Variants in NUP107 observed in about 807,000 individuals in gnomAD.
NUP107 encodes the protein nucleoporin 107.
NUP107 carries 101 observed loss-of-function variants against 141.0 expected under a neutral mutation model. The observed-to-expected ratio is 0.72, with a 90% confidence interval of 0.61 to 0.84. The LOEUF (loss-of-function observed/expected upper bound fraction) is 0.84. NUP107 is among the 40% of genes least tolerant of loss of function. The pLI, the probability that NUP107 is intolerant of heterozygous loss-of-function variation, is 0.00. For missense variants in NUP107, 941 were observed against 1,102.7 expected, an observed-to-expected ratio of 0.85 and a Z score of 2.08; for synonymous variants, 319 against 363.9, an observed-to-expected ratio of 0.88 and a Z score of 1.41.
rs776647205 is a variant in NUP107, at chr12:68,721,639, G to A, written c.1312-202G>A. ...TGGAAAACTGATGTTGTTGTTAACA[G>A]TATGAAAAAATCTGAACAGTTCAAA... On this transcript the variant is annotated intron_variant, in intron 15 of 27. Transcript: ENST00000229179. Among the ~76,000 whole-genome samples, 73 of 152,154 alleles carry A rather than the reference G, an allele frequency of 4.8e-4. 1 individual carries two copies. The highest frequency in any genetic ancestry group is 8.8e-5 in the Non-Finnish European group (6 of 68,022).
chr12:68,727,372 T>C lies in NUP107; in HGVS notation c.1717T>C (p.Leu573=). 1 of 1,515,690 alleles carries C rather than the reference T, an allele frequency of 6.6e-7. No individual in the cohort carries two copies. Among genetic ancestry groups the C allele is most frequent in the South Asian group, 1.2e-5 (1 of 83,942 alleles). 93.9% of individuals were successfully genotyped at this position (1,515,690 alleles called of 1,614,324 possible). A position where few individuals can be genotyped will look rare whatever the true frequency, so the allele number is the denominator to read the frequency against. ...GAAGGAGGAAGTTTCTATTGAAGTT[T>C]TAAAGACATACATACAGGTAAACTT... The part of the protein sequence containing the change: ...QTKEEVSIEV[L]KTYIQLLIRE... The change falls in exon 20 of 28, where the codon TTA becomes CTA. Residue 573 remains leucine (L), a synonymous_variant. Coordinates refer to ENST00000229179, the MANE Select transcript of NUP107 (RefSeq NM_020401.4).
In NUP107 at chr12:68,698,808, C is replaced by T. The variant is rs150823383; in HGVS notation, c.552+1886C>T. ...GCGAGGGAGCAATGAATAGGTAGAA[C>T]ACAGGATTTTTAAGGCAGTGAAACC... On this transcript the variant is annotated intron_variant, in intron 6 of 27. Coordinates refer to ENST00000229179, the MANE Select transcript of NUP107 (RefSeq NM_020401.4). Among the ~76,000 whole-genome samples the T allele has an allele frequency of 1.4e-3, 217 of 152,204 alleles. 5 individuals carry two copies. The East Asian group carries it at 0.035, about 24-fold the overall frequency.
chr12:68,725,803 T>A lies in NUP107; in HGVS notation c.1576+7T>A, dbSNP rs780737242. On this transcript the variant is annotated splice_region_variant and intron_variant, in intron 18 of 27. Coordinates refer to ENST00000229179, the MANE Select transcript of NUP107 (RefSeq NM_020401.4). ...ATCCTGGGAGACATTGATGGTAAGA[T>A]ATGGTTTTATTTTACTTTGTGTTTT... 2 of 1,375,040 alleles carry A rather than the reference T, an allele frequency of 1.5e-6. No individual in the cohort carries two copies. The highest frequency in any genetic ancestry group is 2.5e-5 in the South Asian group (2 of 79,908). The allele number at this position is 1,375,040 out of a possible 1,614,324, so 85.2% of individuals were successfully genotyped here. A position where few individuals can be genotyped will look rare whatever the true frequency, so the allele number is the denominator to read the frequency against.
intron 22 of NUP107, among the ~76,000 whole-genome samples, chr12:68,731,922 G>GA (rs997971469): frequency 3.9e-5 from 6 of 152,074 alleles, no homozygotes; most frequent in East Asian, 1.9e-4. Flanking sequence ...TTCTTTAATA[G>GA]AAAAAAATCT....
chr12:68,741,387 A>G (rs2136056056), intron 26 of NUP107, among the ~76,000 whole-genome samples: 1 of 152,312 alleles, frequency 6.6e-6, no homozygotes, highest in African/African-American at 2.4e-5. Context: ...GTAGTCTGCA[A>G]TGAAGTTGAC....
chr12:68,707,133 C>T, intron 8 of NUP107: 1 of 555,400 alleles, frequency 1.8e-6, no homozygotes, highest in South Asian at 2.2e-5. Context: ...GGCTGCTGTC[C>T]AGAGGAGCAC....
At chr12:68,691,890 A>T in intron 4 of NUP107, 78 bp from the exon 5 acceptor site, 1 of 1,164,442 alleles carries the variant, frequency 8.6e-7, no homozygotes, top group Non-Finnish European at 1.2e-6. Flanking sequence ...TAGAAACCTT[A>T]TTTGTTTTTA....
chr12:68,729,880 C>G (rs1202164273), intron 20 of NUP107, among the ~76,000 whole-genome samples: 1 of 151,402 alleles, frequency 6.6e-6, no homozygotes, highest in Non-Finnish European at 1.5e-5. Flanking sequence ...ACTGTACCCT[C>G]TGCCTCTTGG....
At chr12:68,728,285 CAAA>C (rs553304592) in intron 20 of NUP107, among the ~76,000 whole-genome samples, 4 of 84,476 alleles carry the variant, frequency 4.7e-5, no homozygotes, top group East Asian at 3.5e-4. Flanking sequence ...GAGACCATCT[CAAA>C]AAAAAAAAAA....
At chr12:68,714,672 A>G (rs1351719299) in intron 11 of NUP107, among the ~76,000 whole-genome samples, 1 of 152,230 alleles carries the variant, frequency 6.6e-6, no homozygotes, top group Non-Finnish European at 1.5e-5. Flanking sequence ...TTGGAAATCC[A>G]TCATGTAGAT....
chr12:68,705,646 G>A, intron 8 of NUP107: 1 of 566,392 alleles, frequency 1.8e-6, no homozygotes, highest in Non-Finnish European at 3.3e-6. Flanking sequence ...GTCCATCAGA[G>A]TGACCCAGAA....
intron 8 of NUP107, 45 bp downstream of exon 8, chr12:68,702,829 A>T: frequency 8.8e-7 from 1 of 1,138,902 alleles, no homozygotes; most frequent in Non-Finnish European, 1.2e-6. Context: ...CATACAAATT[A>T]AAATGTTACT....
At chr12:68,723,229 A>G (rs1014931950) in intron 17 of NUP107, among the ~76,000 whole-genome samples, 12 of 151,892 alleles carry the variant, frequency 7.9e-5, no homozygotes, top group Non-Finnish European at 1.8e-4. Flanking sequence ...TTAGCTGGGT[A>G]TGGTGGTGTA....
chr12:68,696,968 GT>G (rs1565687361), intron 6 of NUP107, 46 bp downstream of exon 6: 1 of 1,234,344 alleles, frequency 8.1e-7, no homozygotes, highest in African/African-American at 1.5e-5. Context: ...AGTATTTTTA[GT>G]TTTCATAAAC....
chr12:68,734,732 T>C lies in NUP107; in HGVS notation c.2287T>C (p.Trp763Arg), dbSNP rs1877991614. 6.2e-7 allele frequency: 1 copy of C among 1,602,658 alleles called. No individual in the cohort carries two copies. The highest frequency in any genetic ancestry group is 8.5e-7 in the Non-Finnish European group (1 of 1,175,490). The change falls in exon 25 of 28, where the codon TGG becomes CGG. Residue 763 changes from tryptophan to arginine, a missense_variant. Transcript: ENST00000229179. Reference protein sequence around the residue: ...YLEAHETFNEWFKHMNSVPQK... With the variant: ...YLEAHETFNERFKHMNSVPQK... The stretch of plus-strand genomic sequence containing the variant: ...GGAAGCCCATGAAACCTTTAATGAG[T>C]GGTTTAAGCATATGAATTCAGTTCC...
At chr12:68,702,563 C>A (rs1272756531) in intron 7 of NUP107, among the ~76,000 whole-genome samples, 173 bp from the exon 8 acceptor site, 1 of 152,056 alleles carries the variant, frequency 6.6e-6, no homozygotes, top group African/African-American at 2.4e-5. Flanking sequence ...GTGTGCCCGG[C>A]CTGTTGTCCC....
At position 68,721,936 on chromosome 12, in the gene NUP107, A is replaced by T. The variant is rs1877369920; in HGVS notation, c.1407A>T (p.Val469=). The T allele has an allele frequency of 6.2e-7, 1 of 1,614,066 alleles. No individual in the cohort carries two copies. Among genetic ancestry groups the T allele is most frequent in the East Asian group, 2.2e-5 (1 of 44,878 alleles). Residue 469 remains valine (V), a synonymous_variant, in exon 16 of 28, where the codon GTA becomes GTT. Transcript: ENST00000229179. ...SLVEQEIQTS[V]ATLDETEELP... ...TAGAACAGGAGATCCAGACATCAGT[A>T]GCAACTCTGGATGAAACTGAAGAAC...
intron 23 of NUP107, among the ~76,000 whole-genome samples, chr12:68,733,136 A>G (rs1420479938): frequency 6.6e-6 from 1 of 152,240 alleles, no homozygotes; most frequent in Admixed American, 6.5e-5. Context: ...AATATATTTT[A>G]ATGGTGAATT....
In NUP107 at chr12:68,725,767, A is replaced by G. The variant is rs1877531865; in HGVS notation, c.1547A>G (p.Gln516Arg). 3 of 1,539,882 alleles carry G rather than the reference A, an allele frequency of 1.9e-6. No individual in the cohort carries two copies. The East Asian group carries it at 6.8e-5, about 35-fold the overall frequency. Residue 516 changes from glutamine to arginine, a missense_variant, in exon 18 of 28, where the codon CAA (glutamine) becomes CGA (arginine). By Grantham distance (43) the Gln-to-Arg change is conservative. Transcript: ENST00000229179. Reference protein sequence around the residue: ...EENQEHYHIVQKFLILGDIDG... With the variant: ...EENQEHYHIVRKFLILGDIDG... ...AATCAAGAACATTATCATATAGTTC[A>G]AAAGTTTCTTATCCTGGGAGACATT...
Sources: allele counts gnomAD v4.1 joint callset (sites outside exome capture counted in the v4.1 genomes callset), GRCh38; gene constraint gnomAD v4.1.1; transcripts MANE v1.5; gene names NCBI Gene and HGNC (gene_info 2026-07-23, HGNC 2026-07-21).